CPNE2: variants seen among roughly 807,000 people sequenced by gnomAD.
CPNE2 encodes the protein copine-2.
CPNE2 carries 42 observed loss-of-function variants against 69.7 expected under a neutral mutation model. That is an observed-to-expected ratio of 0.60 (90% CI 0.47 to 0.78). The LOEUF (loss-of-function observed/expected upper bound fraction) is 0.78, where lower values mean the gene tolerates loss of function less well. CPNE2 is among the 30% of genes least tolerant of loss of function. CPNE2 has a pLI of 0.00. For synonymous variants in CPNE2, 294 were observed against 289.8 expected, an observed-to-expected ratio of 1.01 and a Z score of -0.15; for missense variants, 587 against 732.0, an observed-to-expected ratio of 0.80 and a Z score of 2.29.
chr16:57,119,104 C>A, intron 5 of CPNE2, 91 bp from the exon 6 acceptor site: 1 of 1,154,654 alleles, frequency 8.7e-7, no homozygotes, highest in Non-Finnish European at 1.3e-6. Flanking sequence ...TATCCTGACA[C>A]CCGGCTGGGG....
chr16:57,134,767 C>T lies in CPNE2; in HGVS notation c.1117-8C>T, dbSNP rs371777288. 268 of 1,613,904 alleles carry T rather than the reference C, an allele frequency of 1.7e-4. No individual in the cohort carries two copies. The highest frequency in any genetic ancestry group is 2.1e-4 in the Non-Finnish European group (253 of 1,179,904). On this transcript the variant is annotated splice_region_variant and splice_polypyrimidine_tract_variant and intron_variant, in intron 12 of 15. Transcript: ENST00000290776. ...AGGCTGCAGCTCAGCGTTTTCTCTG[C>T]GTTTCAGGTCTCCCATGAGTTTGCC...
In CPNE2 at chr16:57,125,876, C is replaced by G. The variant is rs758981413; in HGVS notation, c.944C>G (p.Thr315Arg). The G allele has an allele frequency of 1.9e-6, 3 of 1,614,160 alleles. No individual in the cohort carries two copies. The highest frequency in any genetic ancestry group is 2.5e-6 in the Non-Finnish European group (3 of 1,180,026). Reference protein sequence around the residue: ...QLMFTVGIDFTASNGNPLDPS... With the variant: ...QLMFTVGIDFRASNGNPLDPS... ...ACTCTGCAGGTTGGAATAGACTTTA[C>G]AGCCTCCAACGGGAATCCCCTCGAC... Residue 315 changes from threonine to arginine, a missense_variant, in exon 11 of 16, where the codon ACA (threonine) becomes AGA (arginine). Around this residue, in one of 5 missense-constraint regions of CPNE2, gnomAD observed 269 missense variants for 300.5 expected, o/e 0.90. Coordinates refer to ENST00000290776, the MANE Select transcript of CPNE2 (RefSeq NM_152727.6).
intron 11 of CPNE2, 79 bp downstream of exon 11, chr16:57,126,072 G>T: frequency 6.4e-7 from 1 of 1,552,790 alleles, no homozygotes; most frequent in South Asian, 1.2e-5. Context: ...AGCTAGAAGG[G>T]ACCCAGAGAT....
intron 1 of CPNE2, among the ~76,000 whole-genome samples, chr16:57,095,955 G>A (rs1168893913): frequency 6.6e-6 from 1 of 152,178 alleles, no homozygotes; most frequent in Admixed American, 6.5e-5. Flanking sequence ...CTCCCCAAAG[G>A]GTGTCAGATC....
At chr16:57,106,333 C>G (rs1268144342) in intron 1 of CPNE2, among the ~76,000 whole-genome samples, 1 of 152,100 alleles carries the variant, frequency 6.6e-6, no homozygotes, top group Non-Finnish European at 1.5e-5. Flanking sequence ...TGTGACCTGT[C>G]CCTCCTGCCC....
At chr16:57,095,619 C>T (rs548563693) in intron 1 of CPNE2, among the ~76,000 whole-genome samples, 3 of 152,290 alleles carry the variant, frequency 2.0e-5, no homozygotes, top group African/African-American at 7.2e-5. Flanking sequence ...ATCACAGGTG[C>T]ACACCTAGCT....
Position 57,129,445 on chromosome 16 carries a change from T to C in CPNE2, c.1116+1542T>C, listed in dbSNP as rs1597501712. 2.0e-5 allele frequency among the ~76,000 whole-genome samples: 3 copies of C among 150,474 alleles called. No homozygotes were observed. The South Asian group carries it at 6.3e-4, about 32-fold the overall frequency. ...TTCCAACTGGGCACTGAGGCGGGGG[T>C]GGTGCTGCTTACTGAGATGAGGAAC... On this transcript the variant is annotated intron_variant, in intron 12 of 15. Transcript: ENST00000290776.
intron 4 of CPNE2, among the ~76,000 whole-genome samples, chr16:57,116,772 A>G (rs1178153621): frequency 6.6e-6 from 1 of 152,146 alleles, no homozygotes; most frequent in African/African-American, 2.4e-5. Context: ...AACGGGCAAC[A>G]TGGCTGGCCT....
chr16:57,111,026 G>A (rs552775086), intron 2 of CPNE2, 104 bp downstream of exon 2: 3 of 1,021,792 alleles, frequency 2.9e-6, no homozygotes, highest in Middle Eastern at 2.2e-4. Context: ...GGAAGTAGTT[G>A]GAGTGTGGGC....
chr16:57,095,416 A>G (rs541173447), intron 1 of CPNE2, among the ~76,000 whole-genome samples: 5 of 152,310 alleles, frequency 3.3e-5, no homozygotes, highest in African/African-American at 1.2e-4. Flanking sequence ...TGGCAGAGTC[A>G]AGAAGACTGC....
chr16:57,102,831 A>C (rs2069623115), intron 1 of CPNE2, among the ~76,000 whole-genome samples: 1 of 151,602 alleles, frequency 6.6e-6, no homozygotes, highest in Non-Finnish European at 1.5e-5. Flanking sequence ...TGAGCTCCCG[A>C]CTTCGGATGA....
chr16:57,113,466 C>T lies in CPNE2; in HGVS notation c.359C>T (p.Thr120Met), dbSNP rs755359171. 22 of 1,613,160 alleles carry T rather than the reference C, an allele frequency of 1.4e-5. No homozygotes were observed. In the Admixed American group the frequency reaches 1.8e-4, roughly 13 times the overall value. ...GGCCAGTTCTCCTGCAGCCTGGGCA[C>T]GGTGAGCTGGGCCCTCCTGGGTGGG... is the stretch of plus-strand genomic sequence containing the variant. The part of the protein sequence containing the change: ...FLGQFSCSLG[T>M]IVSSKKITRP... Residue 120 changes from threonine to methionine, a missense_variant and splice_region_variant, in exon 3 of 16, where the codon ACG becomes ATG. Thr to Met is a moderately conservative substitution (Grantham distance 81). This residue lies in a region of CPNE2 where 34 missense variants were observed against 67.1 expected (regional missense o/e 0.51). Coordinates refer to ENST00000290776, the MANE Select transcript of CPNE2 (RefSeq NM_152727.6).
At chr16:57,137,113 G>C (rs750840054) in intron 13 of CPNE2, 36 bp from the exon 14 acceptor site, 12 of 1,608,942 alleles carry the variant, frequency 7.5e-6, no homozygotes, top group Admixed American at 5.0e-5. Flanking sequence ...TGGGGTCAGG[G>C]AGACCTGGCT....
chr16:57,098,128 G>A (rs1016198625), intron 1 of CPNE2, among the ~76,000 whole-genome samples: 1 of 152,218 alleles, frequency 6.6e-6, no homozygotes. Context: ...CCTCCCCTAA[G>A]AGCCAGAGCT....
intron 12 of CPNE2, among the ~76,000 whole-genome samples, chr16:57,133,832 C>T (rs910772552): frequency 1.3e-5 from 2 of 152,164 alleles, no homozygotes; most frequent in Admixed American, 1.3e-4. Flanking sequence ...TAACAGCTGC[C>T]CTTCCATTGG....
chr16:57,103,291 A>AT (rs1189964160), intron 1 of CPNE2, among the ~76,000 whole-genome samples: 1 of 151,332 alleles, frequency 6.6e-6, no homozygotes, highest in African/African-American at 2.4e-5. Context: ...TAATTTTTTT[A>AT]TTTTTTATTT....
chr16:57,143,141 C>T (rs546221951), intron 14 of CPNE2: 1 of 152,440 alleles, frequency 6.6e-6, no homozygotes, highest in East Asian at 1.9e-4. Flanking sequence ...TTTGATCTGT[C>T]CTGGGGGTAG....
At chr16:57,126,893 A>G (rs2069804858) in intron 11 of CPNE2, among the ~76,000 whole-genome samples, 1 of 152,164 alleles carries the variant, frequency 6.6e-6, no homozygotes, top group African/African-American at 2.4e-5. Context: ...AGTGAGCTCT[A>G]GATGCCTGGC....
intron 5 of CPNE2, among the ~76,000 whole-genome samples, chr16:57,118,671 T>TGGAC (rs1352985420): frequency 7.3e-4 from 111 of 151,316 alleles, no homozygotes; most frequent in Middle Eastern, 3.4e-3. Context: ...GATGGATGGA[T>TGGAC]GGATGGATGG....
Sources: gnomAD v4.1 joint callset for allele counts (sites outside exome capture counted in the v4.1 genomes callset) on GRCh38, gnomAD v4.1.1 for gene constraint, gnomAD v4.1.1 regional missense constraint, MANE v1.5 for transcripts, NCBI Gene and HGNC (gene_info 2026-07-23, HGNC 2026-07-21) for gene names.